Variants in ANO3 observed in about 807,000 individuals in gnomAD.
ANO3 encodes anoctamin-3.
Under a neutral mutation model 144.8 loss-of-function variants are expected in ANO3, and 99 were observed. That is an observed-to-expected ratio of 0.68 (90% CI 0.58 to 0.81). The LOEUF is 0.81. ANO3 is among the 30% of genes least tolerant of loss of function. The probability of loss-of-function intolerance (pLI) is 0.00; values close to 1 mark genes in which losing one functional copy is unlikely to be tolerated. For missense variants in ANO3, 905 were observed against 1,202.2 expected (o/e 0.75, Z 3.66); for synonymous variants, 414 against 392.6 (o/e 1.05, Z -0.64).
intron 1 of ANO3, among the ~76,000 whole-genome samples, chr11:26,322,356 C>A (rs777923841): frequency 2.0e-5 from 3 of 152,202 alleles, no homozygotes; most frequent in Admixed American, 6.5e-5. Flanking sequence ...AGCTGATGAA[C>A]CAGTATTCAT....
Position 26,442,044 on chromosome 11 carries a change from A to T in ANO3, c.173A>T (p.Gln58Leu). 10 of 1,614,182 alleles carry T rather than the reference A, an allele frequency of 6.2e-6. No individual in the cohort carries two copies. The highest frequency in any genetic ancestry group is 8.5e-6 in the Non-Finnish European group (10 of 1,180,014). ...TTGAGCCAGTCTACTTCCCTCTTCC[A>T]GTCAACCGAGAGTGAATCTCAGGCT... ...KSLSQSTSLFQSTESESQAPT... is the reference protein window; with the variant it reads ...KSLSQSTSLFLSTESESQAPT... Residue 58 changes from glutamine (Q) to leucine (L), a missense_variant, in exon 2 of 27, where the codon CAG (glutamine) becomes CTG (leucine). Gln to Leu is a moderately radical substitution (Grantham distance 113). Coordinates refer to ENST00000256737, the MANE Select transcript of ANO3 (RefSeq NM_031418.4).
intron 10 of ANO3, among the ~76,000 whole-genome samples, chr11:26,539,997 G>A (rs577140563): frequency 1.3e-5 from 2 of 151,950 alleles, no homozygotes; most frequent in South Asian, 4.1e-4. Flanking sequence ...TCACATTTTG[G>A]TTCAGAAAAT....
chr11:26,368,680 G>T (rs763776844), intron 1 of ANO3, among the ~76,000 whole-genome samples: 1 of 151,978 alleles, frequency 6.6e-6, no homozygotes, highest in African/African-American at 2.4e-5. Context: ...GTCTGTGTGT[G>T]TGCGTGTGTG....
At chr11:26,516,756 A>G in intron 5 of ANO3, 71 bp from the exon 6 acceptor site, 1 of 1,106,872 alleles carries the variant, frequency 9.0e-7, no homozygotes. Flanking sequence ...CTTTATTCCC[A>G]AATCAAACTG....
At chr11:26,567,849 A>C (rs2134277119) in intron 14 of ANO3, among the ~76,000 whole-genome samples, 1 of 152,150 alleles carries the variant, frequency 6.6e-6, no homozygotes. Context: ...GCTGTATGCA[A>C]CGACATGGAT....
chr11:26,565,996 T>A, intron 14 of ANO3: 1 of 1,167,090 alleles, frequency 8.6e-7, no homozygotes, highest in Non-Finnish European at 1.2e-6. Flanking sequence ...AGACATAATA[T>A]AGAGATGGTA....
At chr11:26,372,549 C>A (rs549879782) in intron 1 of ANO3, among the ~76,000 whole-genome samples, 2 of 152,202 alleles carry the variant, frequency 1.3e-5, no homozygotes, top group Non-Finnish European at 2.9e-5. Flanking sequence ...TAATTCATGC[C>A]TGAATAATTA....
intron 1 of ANO3, among the ~76,000 whole-genome samples, chr11:26,313,956 G>T (rs1340937006): frequency 6.6e-6 from 1 of 151,492 alleles, no homozygotes; most frequent in African/African-American, 2.4e-5. Flanking sequence ...GACTGCCAGG[G>T]TTTTTCTCAA....
At chr11:26,644,242 T>A (rs1411842718) in intron 23 of ANO3, among the ~76,000 whole-genome samples, 1 of 152,218 alleles carries the variant, frequency 6.6e-6, no homozygotes, top group Admixed American at 6.5e-5. Context: ...TTCATAAACT[T>A]GGTCATAACT....
chr11:26,616,904 C>G (rs1163273235), intron 17 of ANO3, among the ~76,000 whole-genome samples: 2 of 152,154 alleles, frequency 1.3e-5, no homozygotes, highest in African/African-American at 4.8e-5. Flanking sequence ...TCCTGAGTAG[C>G]TGGGACTACA....
chr11:26,595,476 T>G (rs1024837183), intron 14 of ANO3, among the ~76,000 whole-genome samples: 4 of 147,100 alleles, frequency 2.7e-5, no homozygotes, highest in African/African-American at 5.1e-5. Context: ...TTTTTTTTTT[T>G]TTTTTTTTTT....
chr11:26,247,673 A>G (rs189947465), intron 1 of ANO3, among the ~76,000 whole-genome samples: 1 of 150,168 alleles, frequency 6.7e-6, no homozygotes, highest in Non-Finnish European at 1.5e-5. Flanking sequence ...TTTTGAACAG[A>G]TGAGAGTATT....
At chr11:26,241,646 T>G (rs1852666171) in intron 1 of ANO3, among the ~76,000 whole-genome samples, 1 of 152,174 alleles carries the variant, frequency 6.6e-6, no homozygotes, top group Non-Finnish European at 1.5e-5. Flanking sequence ...TAACAATTAA[T>G]AGATAGTATT....
In ANO3 at chr11:26,479,521, A is replaced by C. The variant is rs572149358; in HGVS notation, c.432+16373A>C. 5.9e-5 allele frequency among the ~76,000 whole-genome samples: 9 copies of C among 152,210 alleles called. 1 individual carries two copies. In the East Asian group the frequency reaches 1.7e-3, roughly 30 times the overall value. ...ACATCTTGCGTGGGGGCAGGCAGAG[A>C]GTTTGGGCAGGGGAACTCCCATTTA... On this transcript the variant is annotated intron_variant, in intron 4 of 26. Coordinates refer to ENST00000256737, the MANE Select transcript of ANO3 (RefSeq NM_031418.4).
At chr11:26,615,104 T>A (rs1852213505) in intron 17 of ANO3, among the ~76,000 whole-genome samples, 1 of 150,878 alleles carries the variant, frequency 6.6e-6, no homozygotes, top group South Asian at 2.1e-4. Context: ...AAAAAAACTC[T>A]TAGCTTTTAA....
At chr11:26,434,095 C>T (rs1227648928) in intron 1 of ANO3, among the ~76,000 whole-genome samples, 3 of 151,826 alleles carry the variant, frequency 2.0e-5, no homozygotes, top group African/African-American at 7.3e-5. Context: ...GGAAATCAGT[C>T]GTTCTGTTGA....
chr11:26,285,670 C>G lies in ANO3; in HGVS notation c.155-23975C>G, dbSNP rs929448423. The G allele has an allele frequency of 3.4e-4, 51 of 152,134 alleles. 1 individual carries two copies. The highest frequency in any genetic ancestry group is 2.9e-3 in the Admixed American group (45 of 15,276). 9.4% of individuals were successfully genotyped at this position (152,134 alleles called of 1,614,324 possible). A position where few individuals can be genotyped will look rare whatever the true frequency, so the allele number is the denominator to read the frequency against. On this transcript the variant is annotated intron_variant, in intron 1 of 27. Transcript: ENST00000672621. ...GTAATAATAGCAACCAACTGGGCACCACTTGCTGTGCTAATCACTCAACAT... is the reference window on the plus strand; with the variant it reads ...GTAATAATAGCAACCAACTGGGCACGACTTGCTGTGCTAATCACTCAACAT...
intron 23 of ANO3, among the ~76,000 whole-genome samples, chr11:26,647,276 T>C (rs1853375795): frequency 6.6e-6 from 1 of 152,208 alleles, no homozygotes; most frequent in East Asian, 1.9e-4. Context: ...TTTGTATTTT[T>C]ACTTTAAAAA....
upstream of ANO3, among the ~76,000 whole-genome samples, chr11:26,307,487 G>A (rs1462346807): frequency 6.6e-6 from 1 of 152,016 alleles, no homozygotes; most frequent in Non-Finnish European, 1.5e-5. Context: ...GATCACCTAA[G>A]GTCAGGAGTT....
Sources: allele counts gnomAD v4.1 joint callset (sites outside exome capture counted in the v4.1 genomes callset), GRCh38; gene constraint gnomAD v4.1.1; transcripts MANE v1.5; gene names NCBI Gene and HGNC (gene_info 2026-07-23, HGNC 2026-07-21).